Variants in DAAM2 observed in about 807,000 individuals in gnomAD.
DAAM2 encodes the protein disheveled-associated activator of morphogenesis 2.
DAAM2 carries 39 observed loss-of-function variants against 120.7 expected under a neutral mutation model. The ratio of observed to expected loss-of-function variants is 0.32; its 90% CI spans 0.25 to 0.42. DAAM2 has a LOEUF of 0.42. Among genes scored for constraint, DAAM2 ranks in the 10% least tolerant of loss-of-function variants. The probability of loss-of-function intolerance (pLI) is 1.00; values close to 1 mark genes in which losing one functional copy is unlikely to be tolerated. For synonymous variants in DAAM2, 488 were observed against 524.9 expected, an observed-to-expected ratio of 0.93 and a Z score of 0.96; for missense variants, 1,283 against 1,401.7, an observed-to-expected ratio of 0.92 and a Z score of 1.35.
rs561578294 is a variant in DAAM2, at chr6:39,866,095, C to G, written c.428+1021C>G. 1.4e-4 allele frequency among the ~76,000 whole-genome samples: 21 copies of G among 152,298 alleles called. 1 individual carries two copies. The South Asian group carries it at 1.7e-3, about 12-fold the overall frequency. On this transcript the variant is annotated intron_variant, in intron 5 of 24. Coordinates refer to ENST00000274867, the MANE Select transcript of DAAM2 (RefSeq NM_001201427.2). ...ATGTGTATGTTGTCTGAGCTGAGCT[C>G]TCTCCCCAGGAGACTAGAAACAGCC...
Position 39,901,745 on chromosome 6 carries a change from T to G in DAAM2, c.2983-68T>G. Reference sequence around the variant, plus strand: ...CCATGGCCTAGGAGTTAGCCCAGGGTTGGGGGGCTGCCCTGGCCTCAGCGC... The same window carrying G: ...CCATGGCCTAGGAGTTAGCCCAGGGGTGGGGGGCTGCCCTGGCCTCAGCGC... On this transcript the variant is annotated intron_variant, in intron 24 of 24. Transcript: ENST00000274867. This position sits in a 1 kb window ranked among gnomAD's most constrained non-coding sequence, Gnocchi z 4.5. 7.3e-7 allele frequency: 1 copy of G among 1,376,308 alleles called. No homozygotes were observed. The highest frequency in any genetic ancestry group is 9.6e-7 in the Non-Finnish European group (1 of 1,037,900). The allele number at this position is 1,376,308 out of a possible 1,614,324, so 85.3% of individuals were successfully genotyped here.
intron 17 of DAAM2, 125 bp downstream of exon 17, chr6:39,888,888 A>G: frequency 1.7e-6 from 1 of 596,200 alleles, no homozygotes; most frequent in East Asian, 2.9e-5. Flanking sequence ...GTTAGGGAGA[A>G]GGTTTATAGA....
At chr6:39,796,907 C>A (rs1333285993) in intron 1 of DAAM2, among the ~76,000 whole-genome samples, 3 of 152,142 alleles carry the variant, frequency 2.0e-5, no homozygotes, top group African/African-American at 7.2e-5. Flanking sequence ...AAGAAGCTAG[C>A]AAACTGCTCA....
chr6:39,843,137 T>G (rs1010993137), intron 1 of DAAM2, among the ~76,000 whole-genome samples: 3 of 152,206 alleles, frequency 2.0e-5, no homozygotes, highest in Non-Finnish European at 4.4e-5. Flanking sequence ...AGCAATTCAT[T>G]TAATCCTTTA....
At chr6:39,876,385 G>A (rs1225221192) in intron 11 of DAAM2, among the ~76,000 whole-genome samples, 1 of 152,176 alleles carries the variant, frequency 6.6e-6, no homozygotes, top group African/African-American at 2.4e-5. Context: ...GTCAGATATT[G>A]ATGTAGTTAA....
chr6:39,871,579 A>G lies in DAAM2; in HGVS notation c.1044+7A>G. The G allele has an allele frequency of 1.3e-6, 2 of 1,549,842 alleles. No homozygotes were observed. Among genetic ancestry groups the G allele is most frequent in the Non-Finnish European group, 1.7e-6 (2 of 1,146,780 alleles). On this transcript the variant is annotated splice_region_variant and intron_variant, in intron 9 of 24. Coordinates refer to ENST00000274867, the MANE Select transcript of DAAM2 (RefSeq NM_001201427.2). ...AGCCAGGAGGTTTGACATGGTGAGGAGCCAGCAGGGTGGAGCGATTGCAAT... is the reference window on the plus strand; with the variant it reads ...AGCCAGGAGGTTTGACATGGTGAGGGGCCAGCAGGGTGGAGCGATTGCAAT...
At chr6:39,896,770 G>T (rs939563251) in intron 19 of DAAM2, 42 bp from the exon 20 acceptor site, 1 of 1,505,194 alleles carries the variant, frequency 6.6e-7, no homozygotes, top group Non-Finnish European at 8.9e-7. Flanking sequence ...CTGCTGCCCT[G>T]CCTAGCCCAT....
At chr6:39,867,438 G>A in intron 5 of DAAM2, 72 bp from the exon 6 acceptor site, 1 of 1,449,914 alleles carries the variant, frequency 6.9e-7, no homozygotes, top group Non-Finnish European at 9.6e-7. Flanking sequence ...ACACAGGTAA[G>A]GGGGTAACTA....
At chr6:39,824,007 C>T (rs151185769) in intron 1 of DAAM2, among the ~76,000 whole-genome samples, 7 of 152,084 alleles carry the variant, frequency 4.6e-5, no homozygotes, top group African/African-American at 1.7e-4. Context: ...TCATTCTGGT[C>T]GTCTTTTCTC....
At chr6:39,825,788 A>T (rs750596208) in intron 1 of DAAM2, among the ~76,000 whole-genome samples, 1 of 152,110 alleles carries the variant, frequency 6.6e-6, no homozygotes, top group Non-Finnish European at 1.5e-5. Flanking sequence ...GGGCTCATGT[A>T]TCTCCTTGGA....
chr6:39,800,664 C>T (rs1473104403), intron 1 of DAAM2, among the ~76,000 whole-genome samples: 2 of 152,184 alleles, frequency 1.3e-5, no homozygotes, highest in Non-Finnish European at 2.9e-5. Context: ...CTGTGTCAGG[C>T]ACTCCTGTCC....
intron 10 of DAAM2, among the ~76,000 whole-genome samples, chr6:39,874,299 C>T (rs1164657178): frequency 1.3e-5 from 2 of 152,150 alleles, no homozygotes; most frequent in Non-Finnish European, 2.9e-5. Context: ...TGGCTTTACA[C>T]GATTTTGCTG....
At chr6:39,799,241 T>C (rs1761791147) in intron 1 of DAAM2, among the ~76,000 whole-genome samples, 1 of 152,206 alleles carries the variant, frequency 6.6e-6, no homozygotes, top group Non-Finnish European at 1.5e-5. Flanking sequence ...CTCTTTGATT[T>C]CTTGTCAGCA....
At position 39,867,247 on chromosome 6, in the gene DAAM2, G is replaced by A. The variant is rs1463028997; in HGVS notation, c.429-263G>A. ...CAGCTCTGATAATTATCATGATCAT[G>A]TGAAGAGGACTTCACATTCATACCA... On this transcript the variant is annotated intron_variant, in intron 5 of 24. Coordinates refer to ENST00000274867, the MANE Select transcript of DAAM2 (RefSeq NM_001201427.2). 9 of 466,268 alleles carry A rather than the reference G, an allele frequency of 1.9e-5. No homozygotes were observed. In the Admixed American group the frequency reaches 2.7e-4, roughly 14 times the overall value. The allele number at this position is 466,268 out of a possible 1,614,324, so 28.9% of individuals were successfully genotyped here. A position where few individuals can be genotyped will look rare whatever the true frequency, so the allele number is the denominator to read the frequency against.
chr6:39,871,074 A>G (rs1456576119), intron 8 of DAAM2, among the ~76,000 whole-genome samples: 1 of 152,186 alleles, frequency 6.6e-6, no homozygotes, highest in Non-Finnish European at 1.5e-5. Context: ...TGGGGAAAAT[A>G]GACCAGGGCT....
chr6:39,810,587 C>T (rs139164484), intron 1 of DAAM2, among the ~76,000 whole-genome samples: 10 of 152,242 alleles, frequency 6.6e-5, no homozygotes, highest in African/African-American at 1.9e-4. Flanking sequence ...CACCCCAGCC[C>T]ACCTCTCCCC....
intron 23 of DAAM2, 80 bp downstream of exon 23, chr6:39,900,288 GC>G: frequency 6.6e-7 from 1 of 1,510,834 alleles, no homozygotes; most frequent in Non-Finnish European, 8.9e-7. Flanking sequence ...ACCACAGACA[GC>G]CCAGGAGGGA....
At chr6:39,835,240 T>C (rs936591812) in intron 1 of DAAM2, among the ~76,000 whole-genome samples, 3 of 152,226 alleles carry the variant, frequency 2.0e-5, no homozygotes, top group African/African-American at 7.2e-5. Context: ...ATGGCATGCA[T>C]TGAGACTCAG....
rs1277412271 is a variant in DAAM2 at position 39,856,365 on chromosome 6, C to T, written c.63C>T (p.Asp21=). The T allele has an allele frequency of 6.4e-7, 1 of 1,554,548 alleles. No homozygotes were observed. Among genetic ancestry groups the T allele is most frequent in the Non-Finnish European group, 8.7e-7 (1 of 1,150,034 alleles). The part of the protein sequence containing the change: ...LGFLCCFGGS[D]IPEINLRDNH... ...TCCTGTGCTGCTTCGGGGGCAGTGA[C>T]ATCCCCGAAATCAACCTCCGGGACA... The change falls in exon 2 of 25, where the codon GAC becomes GAT. Residue 21 remains aspartate (D), a synonymous_variant. Transcript: ENST00000274867.
Sources: allele counts gnomAD v4.1 joint callset (sites outside exome capture counted in the v4.1 genomes callset), GRCh38; gene constraint gnomAD v4.1.1; non-coding constraint Gnocchi (gnomAD v3.1); transcripts MANE v1.5; gene names NCBI Gene and HGNC (gene_info 2026-07-23, HGNC 2026-07-21).